The following FILIP1L variants were observed in gnomAD, a reference collection of about 807,000 sequenced individuals.
The protein encoded by FILIP1L is filamin A interacting protein 1 like.
FILIP1L carries 55 observed loss-of-function variants against 96.6 expected under a neutral mutation model. That is an observed-to-expected ratio of 0.57 (90% confidence interval 0.46 to 0.71). The LOEUF (loss-of-function observed/expected upper bound fraction) is 0.71, where lower values mean the gene tolerates loss of function less well. FILIP1L is among the 30% of genes least tolerant of loss of function. FILIP1L has a pLI of 0.00. For missense variants in FILIP1L, 1,304 were observed against 1,321.2 expected, an observed-to-expected ratio of 0.99 and a Z score of 0.20; for synonymous variants, 467 against 473.9, an observed-to-expected ratio of 0.99 and a Z score of 0.19.
At chr3:100,021,489 C>G (rs991872615) in intron 1 of FILIP1L, among the ~76,000 whole-genome samples, 1 of 152,220 alleles carries the variant, frequency 6.6e-6, no homozygotes, top group African/African-American at 2.4e-5. Flanking sequence ...GAGAAAATTC[C>G]TGTAATGTTT....
intron 4 of FILIP1L, among the ~76,000 whole-genome samples, chr3:99,879,954 C>T (rs922743679): frequency 2.6e-5 from 4 of 152,090 alleles, no homozygotes; most frequent in East Asian, 1.9e-4. Context: ...TATGAGCTTT[C>T]GGTGTTTATT....
At chr3:99,851,128 G>A in intron 4 of FILIP1L, 58 bp from the exon 5 acceptor site, 2 of 1,317,618 alleles carry the variant, frequency 1.5e-6, no homozygotes, top group South Asian at 2.9e-5. Flanking sequence ...CTCATCGAAT[G>A]TACTTAAATA....
rs1391673854 is a variant in FILIP1L, at chr3:99,849,241, T to A, written c.2435A>T (p.Tyr812Phe). Residue 812 changes from tyrosine (Y) to phenylalanine (F), a missense_variant, in exon 5 of 6, where the codon TAC becomes TTC. Tyr to Phe is a conservative substitution (Grantham distance 22, BLOSUM62 3). Coordinates refer to ENST00000477258, the MANE Select transcript of FILIP1L (RefSeq NM_001387850.1). The stretch of plus-strand genomic sequence containing the variant: ...ACGTTCCAGAGGAATGAGGCTCTTG[T>A]AATCAGGTGGTTCATTGTCTACTGC... ...TEAVDNEPPD[Y>F]KSLIPLERAV... 6.2e-7 allele frequency: 1 copy of A among 1,614,022 alleles called. No homozygotes were observed. The highest frequency in any genetic ancestry group is 8.5e-7 in the Non-Finnish European group (1 of 1,179,990).
Position 99,849,529 on chromosome 3 carries a change from G to A in FILIP1L, c.2147C>T (p.Ser716Leu). 1.9e-6 allele frequency: 3 copies of A among 1,613,332 alleles called. No homozygotes were observed. The highest frequency in any genetic ancestry group is 1.1e-5 in the South Asian group (1 of 90,860). Residue 716 changes from serine (S) to leucine (L), a missense_variant, in exon 5 of 6, where the codon TCA becomes TTA. By Grantham distance (145) the Ser-to-Leu change is moderately radical. Coordinates refer to ENST00000477258, the MANE Select transcript of FILIP1L (RefSeq NM_001387850.1). ...QEEEAKSGHLSREVDALKEKI... is the reference protein window; with the variant it reads ...QEEEAKSGHLLREVDALKEKI... ...CTCTTTTAATGCATCCACTTCTCTT[G>A]AGAGGTGCCCTGACTTAGCTTCTTC...
chr3:99,889,013 G>T (rs1706000890), intron 4 of FILIP1L, among the ~76,000 whole-genome samples: 1 of 152,066 alleles, frequency 6.6e-6, no homozygotes, highest in Non-Finnish European at 1.5e-5. Context: ...TTGACATTAA[G>T]GTTTGTTTCA....
At chr3:100,026,163 G>T (rs571201722) in intron 1 of FILIP1L, among the ~76,000 whole-genome samples, 1 of 152,288 alleles carries the variant, frequency 6.6e-6, no homozygotes, top group East Asian at 1.9e-4. Context: ...CCATAGAGGA[G>T]AAATCTGGAA....
intron 1 of FILIP1L, among the ~76,000 whole-genome samples, chr3:100,050,333 A>G (rs1283597583): frequency 1.3e-5 from 2 of 152,190 alleles, no homozygotes; most frequent in Admixed American, 1.3e-4. Context: ...TTTGGGCAAT[A>G]TCAGAGAAAG....
chr3:99,950,575 T>C (rs1279121749), intron 1 of FILIP1L, among the ~76,000 whole-genome samples: 1 of 152,198 alleles, frequency 6.6e-6, no homozygotes, highest in African/African-American at 2.4e-5. Flanking sequence ...ATAGTATACT[T>C]GAAGTTTTAA....
At chr3:100,077,959 A>G (rs1013956256) in intron 1 of FILIP1L, among the ~76,000 whole-genome samples, 4 of 152,182 alleles carry the variant, frequency 2.6e-5, no homozygotes, top group Admixed American at 2.0e-4. Context: ...TAGGACACCC[A>G]GTTTCACTTA....
chr3:100,019,934 A>AG (rs1475916637), intron 1 of FILIP1L, among the ~76,000 whole-genome samples: 3 of 152,150 alleles, frequency 2.0e-5, no homozygotes, highest in South Asian at 2.1e-4. Flanking sequence ...GATTGAGGGC[A>AG]GGGGGGAATG....
chr3:99,923,856 G>T (rs973493844), intron 4 of FILIP1L, among the ~76,000 whole-genome samples: 2 of 152,146 alleles, frequency 1.3e-5, no homozygotes, highest in African/African-American at 4.8e-5. Context: ...TGAAAAGCTT[G>T]AGTTCCCTCA....
rs2065095647 is a variant in FILIP1L at position 100,035,659 on chromosome 3, T to C, written c.-11+78394A>G. On this transcript the variant is annotated intron_variant, in intron 1 of 5. Transcript: ENST00000477258. Reference sequence around the variant, plus strand: ...CCAAACTGTTAAAGAAATTGAACCATAGAAGAGGCAGAAACTTTTATCATT... The same window carrying C: ...CCAAACTGTTAAAGAAATTGAACCACAGAAGAGGCAGAAACTTTTATCATT... 2.0e-5 allele frequency among the ~76,000 whole-genome samples: 3 copies of C among 152,232 alleles called. No homozygotes were observed. In the South Asian group the frequency reaches 6.2e-4, roughly 31 times the overall value.
At chr3:99,939,172 G>T (rs927012367) in intron 1 of FILIP1L, among the ~76,000 whole-genome samples, 1 of 152,152 alleles carries the variant, frequency 6.6e-6, no homozygotes, top group African/African-American at 2.4e-5. Flanking sequence ...TCAGAAGGTG[G>T]TGCAGTAGTC....
chr3:100,058,588 T>C (rs2065505412), intron 1 of FILIP1L, among the ~76,000 whole-genome samples: 2 of 152,170 alleles, frequency 1.3e-5, no homozygotes, highest in African/African-American at 2.4e-5. Context: ...ACAAATCCCC[T>C]TGGTGGACAA....
chr3:99,920,189 A>T (rs1286681160), intron 4 of FILIP1L, among the ~76,000 whole-genome samples: 2 of 152,252 alleles, frequency 1.3e-5, no homozygotes, highest in East Asian at 3.8e-4. Flanking sequence ...ATGCAGTAAC[A>T]TATATGGATA....
intron 1 of FILIP1L, among the ~76,000 whole-genome samples, chr3:100,112,110 G>A (rs559753805): frequency 6.6e-6 from 1 of 152,310 alleles, no homozygotes; most frequent in Non-Finnish European, 1.5e-5. Context: ...TACTATAAAA[G>A]TGTTCCCCTA....
chr3:99,935,623 C>A (rs1350475407), intron 1 of FILIP1L, among the ~76,000 whole-genome samples: 1 of 152,202 alleles, frequency 6.6e-6, no homozygotes, highest in East Asian at 1.9e-4. Flanking sequence ...CTGTTCCTCA[C>A]CCCCTGATGG....
At chr3:99,868,552 C>T (rs1394998479) in intron 4 of FILIP1L, among the ~76,000 whole-genome samples, 1 of 152,214 alleles carries the variant, frequency 6.6e-6, no homozygotes, top group African/African-American at 2.4e-5. Flanking sequence ...CACGTTTAAG[C>T]TTCAGGTTAA....
chr3:99,993,037 A>T (rs1472872192), intron 1 of FILIP1L, among the ~76,000 whole-genome samples: 1 of 152,016 alleles, frequency 6.6e-6, no homozygotes. Flanking sequence ...CTGTTGTTAT[A>T]CCAGTGCCAT....
Sources: gnomAD v4.1 joint callset for allele counts (sites outside exome capture counted in the v4.1 genomes callset) on GRCh38, gnomAD v4.1.1 for gene constraint, MANE v1.5 for transcripts, NCBI Gene and HGNC (gene_info 2026-07-23, HGNC 2026-07-21) for gene names.